Variants in GTF2H1 observed in about 807,000 individuals in gnomAD.
GTF2H1 encodes the protein BTF2 p62.
Under a neutral mutation model 71.2 loss-of-function variants are expected in GTF2H1, and 16 were observed. That is an observed-to-expected ratio of 0.22 (90% CI 0.15 to 0.34). The LOEUF (loss-of-function observed/expected upper bound fraction) is 0.34. Ranked by LOEUF, GTF2H1 falls within the 10% of genes least tolerant of loss-of-function variation. GTF2H1 has a pLI of 1.00. For missense variants in GTF2H1, 498 were observed against 648.2 expected, an observed-to-expected ratio of 0.77 and a Z score of 2.52; for synonymous variants, 215 against 219.0, an observed-to-expected ratio of 0.98 and a Z score of 0.16.
At position 18,350,788 on chromosome 11, in the gene GTF2H1, C is replaced by T. The variant is rs1242826853; in HGVS notation, c.1054-1093C>T. 1.3e-5 allele frequency among the ~76,000 whole-genome samples: 2 copies of T among 152,110 alleles called. 1 individual carries two copies. Among genetic ancestry groups the T allele is most frequent in the Non-Finnish European group, 2.9e-5 (2 of 68,034 alleles). ...TTGTAGAGGATGAAATATTTCAAGG[C>T]TGATTTGCACAAATGTTTACATAGA... On this transcript the variant is annotated intron_variant, in intron 9 of 14. Transcript: ENST00000265963.
intron 1 of GTF2H1, among the ~76,000 whole-genome samples, chr11:18,326,708 A>G (rs1864776366): frequency 1.3e-5 from 2 of 152,262 alleles, no homozygotes; most frequent in Admixed American, 6.5e-5. Context: ...GACTTGCTCT[A>G]TCAGCTGTCC....
chr11:18,326,668 T>C (rs900702898), intron 1 of GTF2H1, among the ~76,000 whole-genome samples: 2 of 152,090 alleles, frequency 1.3e-5, no homozygotes, highest in South Asian at 2.1e-4. Flanking sequence ...ACTAACACTT[T>C]ATTTGTGCCT....
chr11:18,323,564 C>CA (rs375315689), intron 1 of GTF2H1, among the ~76,000 whole-genome samples: 84 of 146,518 alleles, frequency 5.7e-4, no homozygotes, highest in East Asian at 9.9e-4. Context: ...AAAACAAAAA[C>CA]AAAAAAAAAA....
intron 14 of GTF2H1, 169 bp downstream of exon 14, chr11:18,360,876 G>C (rs1277356905): frequency 6.0e-6 from 3 of 500,252 alleles, no homozygotes; most frequent in Non-Finnish European, 1.0e-5. Flanking sequence ...CTCCATCTCA[G>C]CTCACTGCAA....
rs1030565710 is a variant in GTF2H1, at chr11:18,340,428, C to T, written c.607+771C>T. Among the ~76,000 whole-genome samples the T allele has an allele frequency of 6.0e-4, 92 of 152,110 alleles. 1 individual carries two copies. The highest frequency in any genetic ancestry group is 1.9e-3 in the African/African-American group (80 of 41,436). ...TCCGCCTCCCAAGTAGCTGGGACTA[C>T]AGGCACGTGCCACCACGCCAAGCTA... On this transcript the variant is annotated intron_variant, in intron 5 of 14. Coordinates refer to ENST00000265963, the MANE Select transcript of GTF2H1 (RefSeq NM_005316.4).
intron 1 of GTF2H1, among the ~76,000 whole-genome samples, chr11:18,324,815 A>G (rs1008074418): frequency 3.3e-5 from 5 of 152,148 alleles, no homozygotes; most frequent in African/African-American, 1.2e-4. Flanking sequence ...GTATTTATTA[A>G]TGGATATGAG....
At chr11:18,326,865 T>C (rs1864779814) in intron 1 of GTF2H1, among the ~76,000 whole-genome samples, 1 of 152,222 alleles carries the variant, frequency 6.6e-6, no homozygotes, top group Non-Finnish European at 1.5e-5. Context: ...TTCATTTTTC[T>C]TAAAACATAT....
At position 18,338,320 on chromosome 11, in the gene GTF2H1, C is replaced by T. The variant is rs749948223; in HGVS notation, c.513+46C>T. ...TCTGAAGAAAATAAAAATTCAAACC[C>T]CAATATGTGTCTTAAGACCATTATT... On this transcript the variant is annotated intron_variant, in intron 4 of 14. Coordinates refer to ENST00000265963, the MANE Select transcript of GTF2H1 (RefSeq NM_005316.4). 7.2e-6 allele frequency: 9 copies of T among 1,246,128 alleles called. No individual in the cohort carries two copies. The African/African-American group carries it at 8.9e-5, about 12-fold the overall frequency. 77.2% of individuals were successfully genotyped at this position (1,246,128 alleles called of 1,614,324 possible).
At position 18,348,178 on chromosome 11, in the gene GTF2H1, A is replaced by G. The variant is rs115927089; in HGVS notation, c.1053+259A>G. 5.7e-3 allele frequency: 2,761 copies of G among 481,126 alleles called. 58 individuals carry two copies. Among genetic ancestry groups the G allele is most frequent in the African/African-American group, 0.05 (2,521 of 50,640 alleles). The allele number at this position is 481,126 out of a possible 1,614,324, so 29.8% of individuals were successfully genotyped here. ...TTGTTTGTTTTCCTCACATGTACAC[A>G]TACATACAGATTGTTCTTATATGTG... is the stretch of plus-strand genomic sequence containing the variant. On this transcript the variant is annotated intron_variant, in intron 9 of 14. Transcript: ENST00000265963.
intron 11 of GTF2H1, among the ~76,000 whole-genome samples, chr11:18,357,137 A>C (rs567684121): frequency 5.3e-5 from 8 of 152,182 alleles, no homozygotes; most frequent in African/African-American, 1.7e-4. Flanking sequence ...ATGGATTTCT[A>C]CTCATAAAAA....
At position 18,347,378 on chromosome 11, in the gene GTF2H1, G is replaced by A. The variant is rs560605201; in HGVS notation, c.838-210G>A. 4 of 434,798 alleles carry A rather than the reference G, an allele frequency of 9.2e-6. No homozygotes were observed. The East Asian group carries it at 1.5e-4, about 17-fold the overall frequency. The allele number at this position is 434,798 out of a possible 1,614,324, so 26.9% of individuals were successfully genotyped here. Reference sequence around the variant, plus strand: ...AACAGAGAGAAATTCAGTTTAAGATGTATTTTGTAATGCTAAAACGAGTTA... The same window carrying A: ...AACAGAGAGAAATTCAGTTTAAGATATATTTTGTAATGCTAAAACGAGTTA... On this transcript the variant is annotated intron_variant, in intron 7 of 14. Transcript: ENST00000265963.
intron 3 of GTF2H1, among the ~76,000 whole-genome samples, chr11:18,336,912 A>C (rs920912144): frequency 1.3e-5 from 2 of 151,750 alleles, no homozygotes; most frequent in South Asian, 2.1e-4. Context: ...ACGCCACCAC[A>C]CTTGGCCAAT....
At chr11:18,329,252 A>G (rs1200374412) in intron 1 of GTF2H1, among the ~76,000 whole-genome samples, 2 of 152,232 alleles carry the variant, frequency 1.3e-5, no homozygotes, top group African/African-American at 4.8e-5. Flanking sequence ...GCAAATGCCT[A>G]CATAATGCAG....
chr11:18,323,718 G>A (rs1389075639), intron 1 of GTF2H1, among the ~76,000 whole-genome samples: 1 of 152,170 alleles, frequency 6.6e-6, no homozygotes, highest in African/African-American at 2.4e-5. Flanking sequence ...ATATAAAGCA[G>A]CATGCTCTGG....
chr11:18,330,579 A>G (rs142080871), intron 1 of GTF2H1, among the ~76,000 whole-genome samples: 3 of 152,284 alleles, frequency 2.0e-5, no homozygotes, highest in African/African-American at 7.2e-5. Context: ...ATTGTGAATT[A>G]TTTGCACGGG....
intron 7 of GTF2H1, among the ~76,000 whole-genome samples, chr11:18,344,223 A>G (rs895215127): frequency 3.9e-5 from 6 of 152,070 alleles, no homozygotes. Context: ...ACACCCTTTC[A>G]TGTTTACGGT....
chr11:18,330,467 T>C (rs147171510), intron 1 of GTF2H1, among the ~76,000 whole-genome samples: 1 of 152,320 alleles, frequency 6.6e-6, no homozygotes, highest in African/African-American at 2.4e-5. Flanking sequence ...TGTACTTTTG[T>C]TGAAGAGGGC....
chr11:18,362,710 G>A (rs1401271173), intron 14 of GTF2H1, among the ~76,000 whole-genome samples: 16 of 128,846 alleles, frequency 1.2e-4, no homozygotes, highest in Admixed American at 4.4e-4. Flanking sequence ...TAGTTCTGTC[G>A]CCCAGGCTGG....
chr11:18,354,325 C>G (rs1011294638), intron 11 of GTF2H1, among the ~76,000 whole-genome samples: 2 of 152,176 alleles, frequency 1.3e-5, no homozygotes, highest in African/African-American at 4.8e-5. Flanking sequence ...GTTTCTCCAC[C>G]AAAAAGTTAA....
Sources: allele counts gnomAD v4.1 joint callset (sites outside exome capture counted in the v4.1 genomes callset), GRCh38; gene constraint gnomAD v4.1.1; transcripts MANE v1.5; gene names NCBI Gene and HGNC (gene_info 2026-07-23, HGNC 2026-07-21).